The following GARIN5B variants were observed in gnomAD, a reference collection of about 807,000 sequenced individuals.
GARIN5B encodes Golgi-associated RAB2 interactor protein 5B.
At chr19:55,357,329 G>C in the GARIN5B span, among the ~76,000 whole-genome samples, 1 of 151,986 alleles carries the variant, frequency 6.6e-6, no homozygotes, top group Non-Finnish European at 1.5e-5. Flanking sequence ...CCTCCAGCTC[G>C]CTCAGAGTCA....
chr19:55,357,054 C>G, the GARIN5B span, among the ~76,000 whole-genome samples: 1 of 152,116 alleles, frequency 6.6e-6, no homozygotes, highest in Non-Finnish European at 1.5e-5. Context: ...AAGACTCCGT[C>G]AGAAAAGAGA....
At chr19:55,363,152 GT>G in the GARIN5B span, 1 of 1,345,794 alleles carries the variant, frequency 7.4e-7, no homozygotes, top group Non-Finnish European at 9.7e-7. The surrounding 1 kb of genome is among the most constrained non-coding windows in gnomAD (Gnocchi z 4.0). Flanking sequence ...GCCTTGACCC[GT>G]GGGGCTTCAC....
the GARIN5B span, chr19:55,359,047 C>T: frequency 6.4e-7 from 1 of 1,551,408 alleles, no homozygotes. Flanking sequence ...ACTCCGGGGA[C>T]TTGGCCTGAG....
the GARIN5B span, among the ~76,000 whole-genome samples, chr19:55,357,484 T>G: frequency 6.6e-6 from 1 of 152,206 alleles, no homozygotes; most frequent in Non-Finnish European, 1.5e-5. Context: ...TGGCTGTTCC[T>G]TCCGCTGGGA....
At chr19:55,362,456 G>T in the GARIN5B span, 1 of 1,549,978 alleles carries the variant, frequency 6.5e-7, no homozygotes, top group Admixed American at 2.0e-5. Flanking sequence ...CAGGCGCCAG[G>T]CAGAGAGGTC....
At chr19:55,362,576 A>G in the GARIN5B span, 2 of 1,538,354 alleles carry the variant, frequency 1.3e-6, no homozygotes, top group Non-Finnish European at 1.8e-6. Context: ...GGGATGCGGC[A>G]CCTGGTCAGC....
At chr19:55,357,702 A>T in the GARIN5B span, among the ~76,000 whole-genome samples, 23 of 152,330 alleles carry the variant, frequency 1.5e-4, no homozygotes, top group African/African-American at 5.5e-4. Flanking sequence ...ATGGTCGGAC[A>T]CTGTATCCCC....
chr19:55,357,769 G>A, the GARIN5B span, among the ~76,000 whole-genome samples: 5 of 152,192 alleles, frequency 3.3e-5, no homozygotes, highest in African/African-American at 1.2e-4. Context: ...CAGAGTGAAA[G>A]GGGGCCAGGC....
chr19:55,359,442 G>GTA, the GARIN5B span: 1 of 1,549,198 alleles, frequency 6.5e-7, no homozygotes, highest in East Asian at 2.4e-5. Flanking sequence ...GATGGAGCAG[G>GTA]TATGGCTGGG....
At chr19:55,361,192 C>T in the GARIN5B span, 181 of 1,551,370 alleles carry the variant, frequency 1.2e-4, 1 homozygote, top group African/African-American at 2.2e-3. Context: ...TCCTCTGTCT[C>T]TGAGCAGCCA....
At chr19:55,363,040 G>C in the GARIN5B span, 2 of 1,499,150 alleles carry the variant, frequency 1.3e-6, no homozygotes, top group South Asian at 1.3e-5. This position sits in a 1 kb window ranked among gnomAD's most constrained non-coding sequence, Gnocchi z 4.0. Flanking sequence ...GCGGCTCAAG[G>C]CACCTCCTGT....
the GARIN5B span, chr19:55,359,060 G>A: frequency 2.3e-5 from 36 of 1,551,252 alleles, no homozygotes; most frequent in Middle Eastern, 1.7e-4. Flanking sequence ...GGCCTGAGTC[G>A]TCATCTCCAC....
the GARIN5B span, chr19:55,358,323 G>T: frequency 6.5e-7 from 1 of 1,537,688 alleles, no homozygotes; most frequent in Non-Finnish European, 8.8e-7. Flanking sequence ...CTCTTGGGCT[G>T]CTGGGACGCC....
chr19:55,355,513 G>A, the GARIN5B span, among the ~76,000 whole-genome samples: 1 of 152,104 alleles, frequency 6.6e-6, no homozygotes, highest in Non-Finnish European at 1.5e-5. Flanking sequence ...GAGTCTGGCA[G>A]TAGTAAATGC....
the GARIN5B span, chr19:55,359,819 G>A: frequency 6.4e-7 from 1 of 1,551,448 alleles, no homozygotes; most frequent in African/African-American, 1.4e-5. Flanking sequence ...GCTGCCCCCA[G>A]AGTCCATGAG....
chr19:55,357,035 C>T, the GARIN5B span, among the ~76,000 whole-genome samples: 3 of 151,986 alleles, frequency 2.0e-5, no homozygotes, highest in East Asian at 3.9e-4. Flanking sequence ...CTAGCCTGGG[C>T]GACAGAGCAA....
the GARIN5B span, chr19:55,358,910 T>G: frequency 6.4e-7 from 1 of 1,551,012 alleles, no homozygotes; most frequent in East Asian, 2.4e-5. Flanking sequence ...CGGGGACCTC[T>G]CTTCAAGCTT....
chr19:55,358,549 G>A, the GARIN5B span: 5 of 559,202 alleles, frequency 8.9e-6, no homozygotes, highest in Non-Finnish European at 1.4e-5. Context: ...CCTTCATCTC[G>A]CCCCATGGCC....
At chr19:55,355,998 A>G in the GARIN5B span, among the ~76,000 whole-genome samples, 2 of 149,644 alleles carry the variant, frequency 1.3e-5, no homozygotes, top group Admixed American at 1.3e-4. Context: ...CAAAAAAATC[A>G]AAAACTTGGC....
Sources: allele counts gnomAD v4.1 joint callset (sites outside exome capture counted in the v4.1 genomes callset), GRCh38; gene constraint gnomAD v4.1.1; non-coding constraint Gnocchi (gnomAD v3.1); transcripts MANE v1.5; gene names NCBI Gene and HGNC (gene_info 2026-07-23, HGNC 2026-07-21).